Variants in LRP1B observed in about 807,000 individuals in gnomAD.
LRP1B encodes low-density lipoprotein receptor-related protein 1B.
In LRP1B, 217 loss-of-function variants were observed where a neutral mutation model predicts 556.6. The ratio of observed to expected loss-of-function variants is 0.39; its 90% CI spans 0.35 to 0.44. The LOEUF is 0.44. Among genes scored for constraint, LRP1B ranks in the 20% least tolerant of loss-of-function variants. The pLI is 1.00. For missense variants in LRP1B, 5,053 were observed against 5,620.8 expected, an observed-to-expected ratio of 0.90 and a Z score of 3.23; for synonymous variants, 2,047 against 1,865.8, an observed-to-expected ratio of 1.10 and a Z score of -2.50.
At chr2:140,744,905 T>C (rs1559091639) in intron 35 of LRP1B, among the ~76,000 whole-genome samples, 1 of 152,180 alleles carries the variant, frequency 6.6e-6, no homozygotes, top group African/African-American at 2.4e-5. Context: ...TGTAGAATAA[T>C]GTTTGACATA....
At chr2:141,474,139 CT>C (rs1352376437) in intron 3 of LRP1B, among the ~76,000 whole-genome samples, 1 of 139,178 alleles carries the variant, frequency 7.2e-6, no homozygotes, top group Non-Finnish European at 1.5e-5. Context: ...CTCCTTTCTT[CT>C]TTTCCTTTTT....
chr2:141,950,888 A>G (rs547484159), intron 1 of LRP1B, among the ~76,000 whole-genome samples: 2 of 152,300 alleles, frequency 1.3e-5, no homozygotes, highest in African/African-American at 4.8e-5. Context: ...ATCTTTGATA[A>G]ACAAAGAAAT....
intron 43 of LRP1B, among the ~76,000 whole-genome samples, chr2:140,561,890 A>G (rs1444839621): frequency 6.6e-6 from 1 of 152,058 alleles, no homozygotes; most frequent in Non-Finnish European, 1.5e-5. Context: ...AAAATAATAC[A>G]TGATTATTAA....
rs188379513 is a variant in LRP1B, at chr2:140,442,450, C to T, written c.10414+54G>A. The T allele has an allele frequency of 2.9e-4, 452 of 1,568,196 alleles. 7 individuals are homozygous for T. The East Asian group carries it at 9.6e-3, about 33-fold the overall frequency. The stretch of plus-strand genomic sequence containing the variant: ...TTCAAATTTGTTTAACTGTGGTTGT[C>T]GCAGATGATGACTCAAATACGGAGA... On this transcript the variant is annotated intron_variant, in intron 66 of 90. Coordinates refer to ENST00000389484, the MANE Select transcript of LRP1B (RefSeq NM_018557.3).
intron 3 of LRP1B, among the ~76,000 whole-genome samples, chr2:141,313,214 G>A (rs1305375771): frequency 6.6e-6 from 1 of 151,928 alleles, no homozygotes; most frequent in Non-Finnish European, 1.5e-5. Flanking sequence ...TATTATTGTA[G>A]AGCAGTAATA....
intron 3 of LRP1B, among the ~76,000 whole-genome samples, chr2:141,280,914 A>G (rs1367671343): frequency 2.0e-5 from 3 of 151,964 alleles, no homozygotes; most frequent in African/African-American, 7.2e-5. Flanking sequence ...CCTTAAAATG[A>G]CAGTGCCACA....
At chr2:140,427,650 T>C (rs759468358) in intron 66 of LRP1B, among the ~76,000 whole-genome samples, 96 of 152,176 alleles carry the variant, frequency 6.3e-4, no homozygotes, top group Non-Finnish European at 1.0e-3. Context: ...GGCATTCTTT[T>C]ACACATCGGT....
At position 140,905,080 on chromosome 2, in the gene LRP1B, T is replaced by A. The variant is rs575466301; in HGVS notation, c.3521-1915A>T. ...TCCTGCAACTTCTTTTAAAACTTTT[T>A]ATTACCTGACAAAGACTCTGTCCTT... On this transcript the variant is annotated intron_variant, in intron 22 of 90. Transcript: ENST00000389484. 2.0e-5 allele frequency among the ~76,000 whole-genome samples: 3 copies of A among 152,274 alleles called. No individual in the cohort carries two copies. The South Asian group carries it at 6.2e-4, about 32-fold the overall frequency.
intron 2 of LRP1B, among the ~76,000 whole-genome samples, chr2:141,500,626 A>C (rs369294984): frequency 2.6e-5 from 4 of 152,304 alleles, no homozygotes; most frequent in Admixed American, 1.3e-4. Flanking sequence ...TATAGAAGGA[A>C]TATTATGGCA....
intron 1 of LRP1B, among the ~76,000 whole-genome samples, chr2:142,076,459 G>A (rs1402920800): frequency 6.6e-6 from 1 of 152,004 alleles, no homozygotes; most frequent in Non-Finnish European, 1.5e-5. Context: ...TGAGGAAAAA[G>A]CAACAAAGAG....
At chr2:140,584,898 T>C (rs1681922606) in intron 43 of LRP1B, among the ~76,000 whole-genome samples, 2 of 152,046 alleles carry the variant, frequency 1.3e-5, no homozygotes, top group Admixed American at 6.6e-5. Flanking sequence ...TTAAGCTCTT[T>C]GTTTTTTTCA....
chr2:141,082,125 C>T (rs1699938124), intron 7 of LRP1B, among the ~76,000 whole-genome samples: 1 of 41,330 alleles, frequency 2.4e-5, no homozygotes, highest in African/African-American at 5.7e-5. Flanking sequence ...CATTCCAAGA[C>T]AATTCTTATT....
chr2:141,966,830 G>T (rs773541681), intron 1 of LRP1B, among the ~76,000 whole-genome samples: 3 of 151,614 alleles, frequency 2.0e-5, no homozygotes, highest in Non-Finnish European at 4.4e-5. Context: ...CTCTAAGCTC[G>T]CTGGATACAT....
intron 3 of LRP1B, among the ~76,000 whole-genome samples, chr2:141,463,289 G>A (rs1179061740): frequency 6.6e-6 from 1 of 151,830 alleles, no homozygotes; most frequent in Non-Finnish European, 1.5e-5. Flanking sequence ...GAATAGCAAA[G>A]AATTGTTGTA....
At chr2:141,029,700 CATG>C (rs1698313022) in intron 11 of LRP1B, among the ~76,000 whole-genome samples, 1 of 152,142 alleles carries the variant, frequency 6.6e-6, no homozygotes, top group Non-Finnish European at 1.5e-5. Context: ...CCAGTGCAAC[CATG>C]CTGATACTCA....
Position 141,163,277 on chromosome 2 carries a change from ATATATT to A in LRP1B, c.1013+25138_1013+25143del, listed in dbSNP as rs149685188. 2.6e-3 allele frequency among the ~76,000 whole-genome samples: 391 copies of A among 152,220 alleles called. 3 individuals carry two copies. Among genetic ancestry groups the A allele is most frequent in the African/African-American group, 9.1e-3 (377 of 41,558 alleles). On this transcript the variant is annotated intron_variant, in intron 7 of 90. Coordinates refer to ENST00000389484, the MANE Select transcript of LRP1B (RefSeq NM_018557.3). The stretch of plus-strand genomic sequence containing the variant: ...CATTCACAACAAATATGCTTGGGGT[ATATATT>A]TATAAACTTTTTTTCTGTCAAACAA...
intron 66 of LRP1B, among the ~76,000 whole-genome samples, chr2:140,421,615 G>A (rs999977001): frequency 6.6e-6 from 1 of 152,052 alleles, no homozygotes; most frequent in African/African-American, 2.4e-5. Flanking sequence ...GGGTGTTTGG[G>A]TCCATATCAA....
At chr2:140,703,453 T>C (rs1686718602) in intron 37 of LRP1B, among the ~76,000 whole-genome samples, 1 of 152,142 alleles carries the variant, frequency 6.6e-6, no homozygotes, top group South Asian at 2.1e-4. Context: ...TTTAGATAAA[T>C]ATAATTCCTT....
At position 140,772,123 on chromosome 2, in the gene LRP1B, G is replaced by C. The variant is rs1426094018; in HGVS notation, c.5501-1117C>G. Among the ~76,000 whole-genome samples the C allele has an allele frequency of 7.2e-5, 11 of 151,980 alleles. No homozygotes were observed. In the South Asian group the frequency reaches 1.5e-3, roughly 20 times the overall value. ...CACTGATGAAATCCATTTTATGTAG[G>C]GCCATTATATGGCCCTGAACTTTTA... On this transcript the variant is annotated intron_variant, in intron 33 of 90. Coordinates refer to ENST00000389484, the MANE Select transcript of LRP1B (RefSeq NM_018557.3).
Sources: gnomAD v4.1 joint callset for allele counts (sites outside exome capture counted in the v4.1 genomes callset) on GRCh38, gnomAD v4.1.1 for gene constraint, MANE v1.5 for transcripts, NCBI Gene and HGNC (gene_info 2026-07-23, HGNC 2026-07-21) for gene names.